The following CCDC50 variants were observed in gnomAD, a reference collection of about 807,000 sequenced individuals.
CCDC50 encodes coiled-coil domain-containing protein 50.
A neutral mutation model predicts 70.2 loss-of-function variants in CCDC50; 54 were observed. The observed-to-expected ratio is 0.77, with a 90% CI of 0.62 to 0.96. The LOEUF (loss-of-function observed/expected upper bound fraction) is 0.96. CCDC50 is among the 50% of genes least tolerant of loss of function. The probability of loss-of-function intolerance (pLI) is 0.00; values close to 1 mark genes in which losing one functional copy is unlikely to be tolerated. For synonymous variants in CCDC50, 216 were observed against 198.8 expected, an observed-to-expected ratio of 1.09 and a Z score of -0.73; for missense variants, 558 against 578.7, an observed-to-expected ratio of 0.96 and a Z score of 0.37.
At chr3:191,344,482 T>C (rs1255038628) in intron 1 of CCDC50, among the ~76,000 whole-genome samples, 2 of 152,238 alleles carry the variant, frequency 1.3e-5, no homozygotes, top group African/African-American at 4.8e-5. Flanking sequence ...ATATATAGTG[T>C]GAAACAATTA....
At position 191,364,251 on chromosome 3, in the gene CCDC50, TAG is replaced by T. The variant is rs374877286; in HGVS notation, c.330+3096_330+3097del. 2.8e-4 allele frequency among the ~76,000 whole-genome samples: 42 copies of T among 152,104 alleles called. No individual in the cohort carries two copies. In the South Asian group the frequency reaches 8.3e-3, roughly 30 times the overall value. On this transcript the variant is annotated intron_variant, in intron 4 of 11. Transcript: ENST00000392455. ...GTCCGGCTCATTTTTTGTATTTCAG[TAG>T]AGACAGGGTTTCGTCATGTTGGCTA...
chr3:191,383,553 G>T (rs183462968), intron 10 of CCDC50, among the ~76,000 whole-genome samples: 1 of 152,142 alleles, frequency 6.6e-6, no homozygotes, highest in East Asian at 1.9e-4. Flanking sequence ...ATTCAAATTT[G>T]AATTTTATTC....
intron 5 of CCDC50, 93 bp from the exon 6 acceptor site, chr3:191,374,969 C>T: frequency 7.7e-7 from 1 of 1,293,054 alleles, no homozygotes; most frequent in Non-Finnish European, 1.1e-6. Context: ...GTACGTTAAA[C>T]TGGAGCCCAG....
Position 191,391,840 on chromosome 3 carries a change from T to G in CCDC50, c.*80T>G. 7.8e-7 allele frequency: 1 copy of G among 1,287,696 alleles called. No individual in the cohort carries two copies. The highest frequency in any genetic ancestry group is 1.3e-5 in the South Asian group (1 of 79,552). The allele number at this position is 1,287,696 out of a possible 1,614,324, so 79.8% of individuals were successfully genotyped here. The stretch of plus-strand genomic sequence containing the variant: ...ATACAGAATGAATTCTACACTTACT[T>G]TTTTTCTCCTGTGTTTGCATTCCTG... On this transcript the variant is annotated 3_prime_UTR_variant, in exon 12 of 12. Transcript: ENST00000392455.
chr3:191,342,161 T>C (rs965779432), intron 1 of CCDC50, among the ~76,000 whole-genome samples: 1 of 152,222 alleles, frequency 6.6e-6, no homozygotes, highest in African/African-American at 2.4e-5. Context: ...TGTTCCTAAC[T>C]TTTGATTTCC....
rs756368465 is a variant in CCDC50 at position 191,375,415 on chromosome 3, C to CA, written c.803dup (p.Ser269ValfsTer32). The CA allele has an allele frequency of 6.2e-7, 1 of 1,613,780 alleles. No individual in the cohort carries two copies. The highest frequency in any genetic ancestry group is 8.5e-7 in the Non-Finnish European group (1 of 1,179,852). ...CCATCAGACTCGAAATTGGGAAAAA[C>CA]AGTCTCGACACCAAGATCGACTTTC... On this transcript the variant is annotated frameshift_variant, in exon 6 of 12. Coordinates refer to ENST00000392455, the MANE Select transcript of CCDC50 (RefSeq NM_178335.3). LOFTEE classifies it high-confidence loss of function.
chr3:191,359,704 G>T (rs78911556), intron 3 of CCDC50, among the ~76,000 whole-genome samples: 1,525 of 152,194 alleles, frequency 0.01, 24 homozygotes, highest in Non-Finnish European at 0.012. Context: ...GAGGAGGAGA[G>T]ATATTTGAGA....
chr3:191,374,764 T>C (rs942497022), intron 5 of CCDC50, among the ~76,000 whole-genome samples: 1 of 152,196 alleles, frequency 6.6e-6, no homozygotes, highest in African/African-American at 2.4e-5. Flanking sequence ...GCTATAATTT[T>C]GTTATTGGCA....
At chr3:191,346,155 AAAAT>A (rs760041152) in intron 1 of CCDC50, among the ~76,000 whole-genome samples, 3 of 152,354 alleles carry the variant, frequency 2.0e-5, no homozygotes, top group Middle Eastern at 3.4e-3. Flanking sequence ...GGAGCATTAT[AAAAT>A]AAATCAATAA....
chr3:191,329,612 C>G lies in CCDC50; in HGVS notation c.-63C>G, dbSNP rs377067940. 3,561 of 1,553,974 alleles carry G rather than the reference C, an allele frequency of 2.3e-3. 53 individuals carry two copies. The East Asian group carries it at 0.043, about 19-fold the overall frequency. On this transcript the variant is annotated 5_prime_UTR_variant, in exon 1 of 12. Transcript: ENST00000392455. ...GGCGCTGCTGCTGCGCTCGGGGCCC[C>G]GCTCGGCGCCGGCGGTGACCGGGAA...
At chr3:191,336,122 G>C (rs1287940713) in intron 1 of CCDC50, among the ~76,000 whole-genome samples, 2 of 150,210 alleles carry the variant, frequency 1.3e-5, no homozygotes, top group African/African-American at 2.5e-5. Context: ...CTAAACATTT[G>C]TGTACAAGTG....
At chr3:191,364,809 ACTC>A (rs1371039975) in intron 4 of CCDC50, among the ~76,000 whole-genome samples, 1 of 150,230 alleles carries the variant, frequency 6.7e-6, no homozygotes, top group Non-Finnish European at 1.5e-5. Flanking sequence ...AGCTTTGAGA[ACTC>A]CTCACCTTCC....
chr3:191,337,782 G>T (rs1711568662), intron 1 of CCDC50, among the ~76,000 whole-genome samples: 1 of 151,966 alleles, frequency 6.6e-6, no homozygotes, highest in South Asian at 2.1e-4. Context: ...GCTTTCAGAA[G>T]TTCATGAGTA....
intron 10 of CCDC50, among the ~76,000 whole-genome samples, chr3:191,386,387 G>C (rs1273281381): frequency 6.6e-6 from 1 of 152,008 alleles, no homozygotes; most frequent in African/African-American, 2.4e-5. Flanking sequence ...ACCACGCCCA[G>C]CTAATTTTTG....
chr3:191,349,967 C>G (rs1320557979), intron 1 of CCDC50, among the ~76,000 whole-genome samples: 1 of 26,718 alleles, frequency 3.7e-5, no homozygotes, highest in East Asian at 1.2e-3. Context: ...TTTAATAATA[C>G]CCCCCCCCTC....
intron 1 of CCDC50, among the ~76,000 whole-genome samples, chr3:191,334,926 G>A (rs1234919713): frequency 1.3e-5 from 2 of 152,102 alleles, no homozygotes; most frequent in South Asian, 2.1e-4. Flanking sequence ...ATTACTGAGT[G>A]AACTGTAGGA....
chr3:191,336,499 T>G (rs901652488), intron 1 of CCDC50, among the ~76,000 whole-genome samples: 7 of 152,184 alleles, frequency 4.6e-5, no homozygotes, highest in African/African-American at 1.7e-4. Context: ...AAATTTTAGC[T>G]CATTTTAAAA....
At chr3:191,358,182 C>A in intron 3 of CCDC50, 58 bp downstream of exon 3, 1 of 1,605,284 alleles carries the variant, frequency 6.2e-7, no homozygotes, top group African/African-American at 1.3e-5. Context: ...GTGGAGCTAG[C>A]AACCAGGGCA....
intron 1 of CCDC50, among the ~76,000 whole-genome samples, chr3:191,356,000 T>A (rs1197568382): frequency 6.6e-6 from 1 of 152,218 alleles, no homozygotes; most frequent in Non-Finnish European, 1.5e-5. Context: ...TCATTCTGTT[T>A]CAGTTAAGTG....
Sources: gnomAD v4.1 joint callset for allele counts (sites outside exome capture counted in the v4.1 genomes callset) on GRCh38, gnomAD v4.1.1 for gene constraint, MANE v1.5 for transcripts, NCBI Gene and HGNC (gene_info 2026-07-23, HGNC 2026-07-21) for gene names.